FRMD4B: variants seen among roughly 807,000 people sequenced by gnomAD.
The protein encoded by FRMD4B is FERM domain containing 4B.
A neutral mutation model predicts 141.5 loss-of-function variants in FRMD4B; 74 were observed. The observed-to-expected ratio is 0.52, with a 90% CI of 0.43 to 0.63. FRMD4B has a LOEUF of 0.63. Ranked by LOEUF, FRMD4B falls within the 30% of genes least tolerant of loss-of-function variation. FRMD4B has a pLI of 0.00. For missense variants in FRMD4B, 1,366 were observed against 1,253.4 expected (o/e 1.09, Z -1.36); for synonymous variants, 506 against 467.9 (o/e 1.08, Z -1.05).
intron 16 of FRMD4B, among the ~76,000 whole-genome samples, chr3:69,194,479 A>G (rs577260922): frequency 6.6e-6 from 1 of 152,392 alleles, no homozygotes; most frequent in African/African-American, 2.4e-5. Context: ...AATTTCTACA[A>G]GAAACATAGA....
intron 2 of FRMD4B, among the ~76,000 whole-genome samples, chr3:69,414,407 T>A (rs1704814036): frequency 6.6e-6 from 1 of 152,204 alleles, no homozygotes; most frequent in African/African-American, 2.4e-5. Flanking sequence ...AAATCTATAC[T>A]ATGTGGCTAG....
intron 5 of FRMD4B, among the ~76,000 whole-genome samples, chr3:69,276,748 T>A (rs192171500): frequency 6.6e-6 from 1 of 152,158 alleles, no homozygotes; most frequent in Non-Finnish European, 1.5e-5. Context: ...GCAGATCACC[T>A]GAGGTCAGGA....
chr3:69,436,512 C>G (rs1357736361), intron 1 of FRMD4B, among the ~76,000 whole-genome samples: 3 of 152,136 alleles, frequency 2.0e-5, no homozygotes, highest in African/African-American at 7.2e-5. Flanking sequence ...AATGGTGCAG[C>G]CACTATGAAA....
intron 1 of FRMD4B, among the ~76,000 whole-genome samples, chr3:69,522,670 G>A (rs1700870253): frequency 6.6e-6 from 1 of 152,084 alleles, no homozygotes; most frequent in Admixed American, 6.5e-5. Context: ...AAGCACCACT[G>A]GAGACTTCTG....
At chr3:69,410,143 G>A (rs1204188720) in intron 2 of FRMD4B, among the ~76,000 whole-genome samples, 1 of 152,100 alleles carries the variant, frequency 6.6e-6, no homozygotes, top group East Asian at 1.9e-4. Flanking sequence ...GAAGCAAAAG[G>A]ACAAAGTAAC....
intron 11 of FRMD4B, among the ~76,000 whole-genome samples, chr3:69,205,077 A>AAAAAAAAAAAAAAAAG (rs1216411200): frequency 2.7e-5 from 4 of 150,612 alleles, no homozygotes; most frequent in African/African-American, 7.4e-5. Context: ...AAAAAAAAGA[A>AAAAAAAAAAAAAAAAG]AAAGAGAAAA....
chr3:69,229,626 A>G (rs957611294), intron 7 of FRMD4B, among the ~76,000 whole-genome samples: 1 of 152,246 alleles, frequency 6.6e-6, no homozygotes, highest in African/African-American at 2.4e-5. Flanking sequence ...TTCAACAAGC[A>G]GTGTATAGAA....
intron 1 of FRMD4B, among the ~76,000 whole-genome samples, chr3:69,332,715 T>C (rs1044288873): frequency 2.0e-5 from 3 of 150,226 alleles, no homozygotes; most frequent in African/African-American, 4.9e-5. Context: ...TAGCTAGGAC[T>C]ACAGGTGTGC....
At chr3:69,267,354 G>A (rs1410154974) in intron 5 of FRMD4B, among the ~76,000 whole-genome samples, 2 of 152,036 alleles carry the variant, frequency 1.3e-5, no homozygotes, top group African/African-American at 4.8e-5. Context: ...GTGTGACCCT[G>A]AATTGGCTCT....
chr3:69,471,934 T>C (rs1384667880), intron 1 of FRMD4B: 1 of 155,758 alleles, frequency 6.4e-6, no homozygotes, highest in African/African-American at 2.4e-5. Flanking sequence ...TGCCTCTCTA[T>C]AGATTCCTTT....
At chr3:69,194,471 T>C (rs2092877019) in intron 16 of FRMD4B, among the ~76,000 whole-genome samples, 1 of 152,238 alleles carries the variant, frequency 6.6e-6, no homozygotes, top group Admixed American at 6.5e-5. Flanking sequence ...GATGGTCAAA[T>C]TTCTACAAGA....
chr3:69,427,491 G>GAAGAATAT (rs1010707330), intron 2 of FRMD4B, among the ~76,000 whole-genome samples: 6 of 150,858 alleles, frequency 4.0e-5, no homozygotes, highest in African/African-American at 7.3e-5. Context: ...ACCTTAGGGA[G>GAAGAATAT]AAGAATATAA....
chr3:69,287,182 A>G (rs1700716040), intron 5 of FRMD4B, among the ~76,000 whole-genome samples: 1 of 152,220 alleles, frequency 6.6e-6, no homozygotes, highest in Non-Finnish European at 1.5e-5. Context: ...TGTTTATTGA[A>G]TTTTATAAAA....
intron 1 of FRMD4B, among the ~76,000 whole-genome samples, chr3:69,462,485 C>A (rs1258907469): frequency 1.3e-5 from 2 of 152,206 alleles, no homozygotes; most frequent in African/African-American, 4.8e-5. Context: ...CTGGGGTAGG[C>A]CCAGGGCCAC....
At chr3:69,535,486 T>C (rs1701070242) in intron 1 of FRMD4B, among the ~76,000 whole-genome samples, 1 of 152,232 alleles carries the variant, frequency 6.6e-6, no homozygotes, top group Non-Finnish European at 1.5e-5. Context: ...TATTATTTGT[T>C]GAGCCTTTAC....
At chr3:69,445,071 C>T (rs191990534) in intron 1 of FRMD4B, among the ~76,000 whole-genome samples, 1 of 152,254 alleles carries the variant, frequency 6.6e-6, no homozygotes, top group African/African-American at 2.4e-5. Context: ...GTAAACTCCT[C>T]CGAGCACTCC....
At chr3:69,247,206 T>C (rs1219838880) in intron 7 of FRMD4B, among the ~76,000 whole-genome samples, 1 of 152,126 alleles carries the variant, frequency 6.6e-6, no homozygotes, top group Admixed American at 6.5e-5. Flanking sequence ...TTGATTCTCA[T>C]GACAGTTTTA....
intron 1 of FRMD4B, among the ~76,000 whole-genome samples, chr3:69,504,325 T>C (rs370388969): frequency 1.3e-5 from 2 of 152,212 alleles, no homozygotes; most frequent in Admixed American, 6.5e-5. Flanking sequence ...CATTGGGATA[T>C]ACTTTACACC....
chr3:69,520,901 A>C (rs1324686476), intron 1 of FRMD4B, among the ~76,000 whole-genome samples: 1 of 152,206 alleles, frequency 6.6e-6, no homozygotes, highest in Admixed American at 6.5e-5. Context: ...GGTCTACTTG[A>C]AAATGCATAT....
Sources: gnomAD v4.1 joint callset for allele counts (sites outside exome capture counted in the v4.1 genomes callset) on GRCh38, gnomAD v4.1.1 for gene constraint, MANE v1.5 for transcripts, NCBI Gene and HGNC (gene_info 2026-07-23, HGNC 2026-07-21) for gene names.